Variants in PUM2 observed in about 807,000 individuals in gnomAD.
The protein encoded by PUM2 is pumilio RNA binding family member 2, also known as pumilio homolog 2.
A neutral mutation model predicts 124.5 loss-of-function variants in PUM2; 57 were observed. The observed-to-expected ratio is 0.46, with a 90% CI of 0.37 to 0.57. The LOEUF is 0.57. Ranked by LOEUF, PUM2 falls within the 20% of genes least tolerant of loss-of-function variation. The pLI, the probability that PUM2 is intolerant of heterozygous loss-of-function variation, is 0.00. For synonymous variants in PUM2, 460 were observed against 446.1 expected, an observed-to-expected ratio of 1.03 and a Z score of -0.39; for missense variants, 1,065 against 1,290.6, an observed-to-expected ratio of 0.83 and a Z score of 2.68.
intron 9 of PUM2, among the ~76,000 whole-genome samples, chr2:20,293,344 A>C (rs2148215116): frequency 6.6e-6 from 1 of 152,372 alleles, no homozygotes; most frequent in South Asian, 2.1e-4. Flanking sequence ...AAAATAATTT[A>C]TTAAACAATG....
chr2:20,351,419 C>T (rs931004967), upstream of PUM2, among the ~76,000 whole-genome samples: 1 of 152,180 alleles, frequency 6.6e-6, no homozygotes, highest in Non-Finnish European at 1.5e-5. Context: ...GTGGTTGCAC[C>T]CCAGGCAGGT....
At chr2:20,314,654 G>C (rs1012755632) in intron 3 of PUM2, among the ~76,000 whole-genome samples, 1 of 152,150 alleles carries the variant, frequency 6.6e-6, no homozygotes, top group African/African-American at 2.4e-5. Flanking sequence ...ATTTTGAAAT[G>C]ATGGCCAGGT....
At chr2:20,303,555 A>T (rs1677509766) in intron 7 of PUM2, among the ~76,000 whole-genome samples, 1 of 151,896 alleles carries the variant, frequency 6.6e-6, no homozygotes, top group Non-Finnish European at 1.5e-5. Context: ...AGTTTTGCCC[A>T]GAAAAATCAC....
At chr2:20,312,671 C>G (rs1679900391) in intron 3 of PUM2, among the ~76,000 whole-genome samples, 1 of 152,094 alleles carries the variant, frequency 6.6e-6, no homozygotes, top group Admixed American at 6.6e-5. Context: ...TCAATGCTAT[C>G]CCCATCAAGC....
At chr2:20,336,800 GT>G (rs1686219728) in intron 1 of PUM2, among the ~76,000 whole-genome samples, 7 of 135,360 alleles carry the variant, frequency 5.2e-5, no homozygotes, top group Admixed American at 3.9e-4. Context: ...GTGTGTGTGT[GT>G]GGTACAGACG....
Position 20,350,802 on chromosome 2 carries a change from A to G in PUM2, c.-224T>C. On this transcript the variant is annotated 5_prime_UTR_variant, in exon 1 of 21. Coordinates refer to ENST00000361078, the MANE Select transcript of PUM2 (RefSeq NM_015317.5). Reference sequence around the variant, plus strand: ...CCGAAGTACCGAGGGTGAGACACAGAGACTCACAACAACATGGCTGCCACC... The same window carrying G: ...CCGAAGTACCGAGGGTGAGACACAGGGACTCACAACAACATGGCTGCCACC... 1.0e-6 allele frequency: 1 copy of G among 977,372 alleles called. No homozygotes were observed. The highest frequency in any genetic ancestry group is 4.8e-5 in the South Asian group (1 of 20,890). 60.5% of individuals were successfully genotyped at this position (977,372 alleles called of 1,614,324 possible). A position where few individuals can be genotyped will look rare whatever the true frequency, so the allele number is the denominator to read the frequency against.
chr2:20,308,176 C>G, intron 6 of PUM2, 105 bp from the exon 7 acceptor site: 1 of 1,482,642 alleles, frequency 6.7e-7, no homozygotes, highest in Non-Finnish European at 9.1e-7. Context: ...GGAGGACTTT[C>G]TCAAATACAG....
intron 1 of PUM2, among the ~76,000 whole-genome samples, chr2:20,336,525 T>C (rs553109623): frequency 6.6e-6 from 1 of 152,046 alleles, no homozygotes; most frequent in East Asian, 1.9e-4. Context: ...TAATTTTTTT[T>C]TTTTTTAAAG....
At chr2:20,317,174 G>A (rs1017211750) in intron 3 of PUM2, among the ~76,000 whole-genome samples, 4 of 151,964 alleles carry the variant, frequency 2.6e-5, no homozygotes, top group African/African-American at 9.7e-5. Flanking sequence ...ACCAGCCTAG[G>A]CAACAGAGCA....
chr2:20,267,222 C>A (rs986917231), intron 13 of PUM2, among the ~76,000 whole-genome samples: 1 of 151,936 alleles, frequency 6.6e-6, no homozygotes, highest in Non-Finnish European at 1.5e-5. Flanking sequence ...GACGGGGTTT[C>A]ACCATGTTGG....
chr2:20,337,182 T>C (rs1195248768), intron 1 of PUM2, among the ~76,000 whole-genome samples: 1 of 150,916 alleles, frequency 6.6e-6, no homozygotes, highest in Non-Finnish European at 1.5e-5. Context: ...AAAAAAACTG[T>C]GTAAGCCTGC....
chr2:20,307,140 C>T (rs1678528045), intron 7 of PUM2, among the ~76,000 whole-genome samples: 1 of 151,986 alleles, frequency 6.6e-6, no homozygotes, highest in African/African-American at 2.4e-5. Context: ...CTCTTGAACC[C>T]AGAAGGCGGA....
In PUM2 at chr2:20,263,207, G is replaced by A. The variant is rs1666716311; in HGVS notation, c.2211C>T (p.Asp737=). The A allele has an allele frequency of 1.3e-6, 2 of 1,599,298 alleles. No homozygotes were observed. The highest frequency in any genetic ancestry group is 1.7e-6 in the Non-Finnish European group (2 of 1,166,688). ...TAATCACCTACCTAGAACCATGCTGGTCTTGAGAAAACTCAACTATATGTC... is the reference window on the plus strand; with the variant it reads ...TAATCACCTACCTAGAACCATGCTGATCTTGAGAAAACTCAACTATATGTC... The part of the protein sequence containing the change: ...LIGHIVEFSQ[D]QHGSRFIQQK... The change falls in exon 14 of 21, where the codon GAC becomes GAT. Residue 737 remains aspartate (D), a synonymous_variant. Transcript: ENST00000361078.
intron 10 of PUM2, among the ~76,000 whole-genome samples, chr2:20,286,607 A>C (rs1296601371): frequency 1.3e-5 from 2 of 152,174 alleles, no homozygotes; most frequent in Non-Finnish European, 2.9e-5. Context: ...ATTGTCTTCA[A>C]AGTAATTTCC....
chr2:20,306,117 A>T (rs1488509018), intron 7 of PUM2, among the ~76,000 whole-genome samples: 1 of 152,136 alleles, frequency 6.6e-6, no homozygotes, highest in Non-Finnish European at 1.5e-5. Flanking sequence ...CGGCGAGAGG[A>T]TCACTTGAGC....
At chr2:20,284,240 A>C (rs1431971878) in intron 10 of PUM2, among the ~76,000 whole-genome samples, 3 of 152,262 alleles carry the variant, frequency 2.0e-5, no homozygotes, top group Admixed American at 2.0e-4. Context: ...TGGATACTTC[A>C]GAGCAGTAAT....
At chr2:20,300,929 G>T (rs1676824649) in intron 7 of PUM2, among the ~76,000 whole-genome samples, 1 of 152,130 alleles carries the variant, frequency 6.6e-6, no homozygotes, top group South Asian at 2.1e-4. Context: ...CACCAAGCCA[G>T]ACTAACACAT....
rs1314452150 is a variant in PUM2, at chr2:20,249,203, G to A, written c.*2382C>T. 1 of 152,154 alleles carries A rather than the reference G, an allele frequency of 6.6e-6. No homozygotes were observed. The highest frequency in any genetic ancestry group is 1.5e-5 in the Non-Finnish European group (1 of 68,044). 9.4% of individuals were successfully genotyped at this position (152,154 alleles called of 1,614,324 possible). A position where few individuals can be genotyped will look rare whatever the true frequency, so the allele number is the denominator to read the frequency against. On this transcript the variant is annotated 3_prime_UTR_variant, in exon 21 of 21. Coordinates refer to ENST00000361078, the MANE Select transcript of PUM2 (RefSeq NM_015317.5). ...AGAGATAATGCCTGTGCCAACAGAG[G>A]GCAAGGATGAAGGAAGACTAGGAAT...
chr2:20,297,732 T>G lies in PUM2; in HGVS notation c.884-54A>C, dbSNP rs182479858. 2.5e-5 allele frequency: 38 copies of G among 1,542,384 alleles called. No individual in the cohort carries two copies. In the East Asian group the frequency reaches 8.7e-4, roughly 35 times the overall value. On this transcript the variant is annotated intron_variant, in intron 7 of 20. Coordinates refer to ENST00000361078, the MANE Select transcript of PUM2 (RefSeq NM_015317.5). ...ACAACAATGTAAAGTATGATTTTTT[T>G]CATTAGATAAAAACATTTCTACTCT...
Sources: gnomAD v4.1 joint callset for allele counts (sites outside exome capture counted in the v4.1 genomes callset) on GRCh38, gnomAD v4.1.1 for gene constraint, MANE v1.5 for transcripts, NCBI Gene and HGNC (gene_info 2026-07-23, HGNC 2026-07-21) for gene names.